The following DCHS2 variants were observed in gnomAD, a reference collection of about 807,000 sequenced individuals.
DCHS2 encodes protocadherin-23.
A neutral mutation model predicts 182.4 loss-of-function variants in DCHS2; 142 were observed. That is an observed-to-expected ratio of 0.78 (90% CI 0.68 to 0.89). The LOEUF is 0.89. Among genes scored for constraint, DCHS2 ranks in the 40% least tolerant of loss-of-function variants. The pLI is 0.00. For missense variants in DCHS2, 4,319 were observed against 4,198.6 expected (o/e 1.03, Z -0.79); for synonymous variants, 1,740 against 1,663.3 (o/e 1.05, Z -1.12).
At chr4:154,391,297 T>C in intron 1 of DCHS2, 1 of 1,586,478 alleles carries the variant, frequency 6.3e-7, no homozygotes, top group South Asian at 1.1e-5. Context: ...TCCAGTCTCA[T>C]GATTTTAAAT....
chr4:154,484,671 C>A (rs962566112), intron 1 of DCHS2, among the ~76,000 whole-genome samples: 1 of 152,214 alleles, frequency 6.6e-6, no homozygotes, highest in South Asian at 2.1e-4. Flanking sequence ...AAAATGATTT[C>A]GCATAATTTC....
chr4:154,379,782 C>T (rs1263787559), intron 1 of DCHS2, among the ~76,000 whole-genome samples: 2 of 152,160 alleles, frequency 1.3e-5, no homozygotes, highest in Non-Finnish European at 2.9e-5. Context: ...TTCATCCTGA[C>T]AACATGTTCA....
rs539840060 is a variant in DCHS2 at position 154,420,489 on chromosome 4, C to T, written c.2053-43045G>A. ...AACCAGAGAAGACAATGATGTAACTCTCAGTCCAAAGCCAAAGGCCTGAGA... is the reference window on the plus strand; with the variant it reads ...AACCAGAGAAGACAATGATGTAACTTTCAGTCCAAAGCCAAAGGCCTGAGA... On this transcript the variant is annotated intron_variant, in intron 1 of 19. Coordinates refer to ENST00000357232, the MANE Select transcript of DCHS2 (RefSeq NM_001358235.2). Among the ~76,000 whole-genome samples, 71 of 152,232 alleles carry T rather than the reference C, an allele frequency of 4.7e-4. 1 individual carries two copies. The highest frequency in any genetic ancestry group is 1.6e-3 in the African/African-American group (65 of 41,536).
rs540131013 is a variant in DCHS2, at chr4:154,333,349, C to T, written c.2859G>A (p.Gln953=). Residue 953 remains glutamine, a synonymous_variant, in exon 5 of 20, where the codon CAG becomes CAA. Transcript: ENST00000357232. The stretch of plus-strand genomic sequence containing the variant: ...TGCTGCAGGCTGGGGCGCTGCCGAG[C>T]TGCGCCTGCACCGTGAGCACAACCA... The part of the protein sequence containing the change: ...QPVVVLTVQA[Q]LGSAPACSST... 8 of 1,614,178 alleles carry T rather than the reference C, an allele frequency of 5.0e-6. No individual in the cohort carries two copies. In the East Asian group the frequency reaches 1.6e-4, roughly 31 times the overall value.
intron 10 of DCHS2, among the ~76,000 whole-genome samples, chr4:154,309,900 T>A (rs1735605216): frequency 6.6e-6 from 1 of 152,230 alleles, no homozygotes; most frequent in Non-Finnish European, 1.5e-5. Flanking sequence ...TGCAGAAGAC[T>A]GTTTTTCAAA....
chr4:154,414,972 G>A (rs1160450550), intron 1 of DCHS2, among the ~76,000 whole-genome samples: 3 of 152,130 alleles, frequency 2.0e-5, no homozygotes, highest in African/African-American at 4.8e-5. Context: ...AGAAGGTGAT[G>A]CCGCGGCTAC....
intron 14 of DCHS2, 125 bp downstream of exon 14, chr4:154,269,775 T>A (rs1578887833): frequency 3.0e-5 from 33 of 1,117,436 alleles, no homozygotes; most frequent in Non-Finnish European, 4.0e-5. Flanking sequence ...TAGGCTAGCT[T>A]AAAAAATTCT....
intron 1 of DCHS2, among the ~76,000 whole-genome samples, chr4:154,487,872 C>T (rs1029712996): frequency 1.3e-5 from 2 of 152,138 alleles, no homozygotes; most frequent in African/African-American, 4.8e-5. Context: ...TGATTATCTC[C>T]CATCAGATAA....
intron 10 of DCHS2, among the ~76,000 whole-genome samples, chr4:154,312,018 T>G (rs6847387): frequency 0.48 from 73,547 of 151,722 alleles, 19,049 homozygotes; most frequent in Non-Finnish European, 0.59. Context: ...AATATATATA[T>G]AGAGAAAATT....
chr4:154,426,324 C>G (rs973932386), intron 1 of DCHS2, among the ~76,000 whole-genome samples: 2 of 152,198 alleles, frequency 1.3e-5, no homozygotes, highest in African/African-American at 4.8e-5. Context: ...GAATACCTAA[C>G]AGAGAAAAGT....
At chr4:154,331,161 G>A (rs1039897271) in intron 5 of DCHS2, among the ~76,000 whole-genome samples, 3 of 152,146 alleles carry the variant, frequency 2.0e-5, no homozygotes, top group Non-Finnish European at 2.9e-5. Flanking sequence ...TTACAAGCAC[G>A]TAGTGTTCCA....
chr4:154,240,932 T>C, intron 17 of DCHS2, 109 bp from the exon 18 acceptor site: 2 of 1,453,126 alleles, frequency 1.4e-6, no homozygotes, highest in Non-Finnish European at 1.8e-6. Flanking sequence ...TATGATTTGC[T>C]CTTTCTTGGC....
intron 1 of DCHS2, among the ~76,000 whole-genome samples, chr4:154,379,594 A>G (rs1182322367): frequency 6.6e-6 from 1 of 152,204 alleles, no homozygotes; most frequent in African/African-American, 2.4e-5. Flanking sequence ...GCTGTCTTGC[A>G]TATATTTGTA....
chr4:154,259,484 T>C, intron 15 of DCHS2, 61 bp downstream of exon 15: 1 of 1,576,340 alleles, frequency 6.3e-7, no homozygotes, highest in Non-Finnish European at 8.6e-7. Context: ...TCTCTCTCTC[T>C]CTCACACAGA....
intron 15 of DCHS2, 32 bp downstream of exon 15, chr4:154,259,513 C>T: frequency 6.2e-7 from 1 of 1,607,150 alleles, no homozygotes; most frequent in Non-Finnish European, 8.5e-7. Context: ...CACACACACA[C>T]ACACACACAC....
chr4:154,448,346 T>C (rs969586488), intron 1 of DCHS2, among the ~76,000 whole-genome samples: 4 of 152,204 alleles, frequency 2.6e-5, no homozygotes, highest in African/African-American at 9.6e-5. Context: ...ATGCCTCAAG[T>C]GTCCTCAATA....
At chr4:154,282,509 A>T (rs1299904289) in intron 13 of DCHS2, among the ~76,000 whole-genome samples, 11 of 152,078 alleles carry the variant, frequency 7.2e-5, no homozygotes, top group Non-Finnish European at 4.4e-5. Flanking sequence ...AAATTAAAAA[A>T]AAAACAGAAA....
intron 13 of DCHS2, among the ~76,000 whole-genome samples, chr4:154,279,488 A>C (rs1363791108): frequency 6.6e-6 from 1 of 152,000 alleles, no homozygotes; most frequent in African/African-American, 2.4e-5. Flanking sequence ...TTAAGTTAAA[A>C]ACTATCACAA....
intron 1 of DCHS2, among the ~76,000 whole-genome samples, chr4:154,482,834 G>A (rs577840987): frequency 6.6e-6 from 1 of 152,212 alleles, no homozygotes; most frequent in African/African-American, 2.4e-5. Flanking sequence ...AAAGCCTCAT[G>A]GTGGCAGGCA....
Sources: gnomAD v4.1 joint callset for allele counts (sites outside exome capture counted in the v4.1 genomes callset) on GRCh38, gnomAD v4.1.1 for gene constraint, MANE v1.5 for transcripts, NCBI Gene and HGNC (gene_info 2026-07-23, HGNC 2026-07-21) for gene names.